Variants in CCNH observed in about 807,000 individuals in gnomAD.
The protein encoded by CCNH is cyclin-H.
CCNH carries 31 observed loss-of-function variants against 41.9 expected under a neutral mutation model. The ratio of observed to expected loss-of-function variants is 0.74; its 90% CI spans 0.56 to 1.00. CCNH has a LOEUF of 1.00. Ranked by LOEUF, CCNH falls within the 50% of genes least tolerant of loss-of-function variation. The pLI is 0.00. For missense variants in CCNH, 362 were observed against 388.4 expected (o/e 0.93, Z 0.57); for synonymous variants, 138 against 136.1 (o/e 1.01, Z -0.10).
At chr5:87,383,677 CT>C in intron 9 of CCNH, 1 of 1,218,188 alleles carries the variant, frequency 8.2e-7, no homozygotes, top group Admixed American at 2.0e-5. Flanking sequence ...TAGGTGTTTT[CT>C]AAAAAAAAAA....
chr5:87,406,459 T>C (rs1054170238), intron 4 of CCNH, among the ~76,000 whole-genome samples: 3 of 152,174 alleles, frequency 2.0e-5, no homozygotes, highest in Non-Finnish European at 2.9e-5. Flanking sequence ...TCATGTTCTA[T>C]TGATTCTACC....
At chr5:87,379,311 G>C (rs1413577976), upstream of CCNH, among the ~76,000 whole-genome samples, 4 of 152,154 alleles carry the variant, frequency 2.6e-5, no homozygotes, top group African/African-American at 7.2e-5. Flanking sequence ...TTAGAGATAG[G>C]CTACGGAATT....
downstream of CCNH, among the ~76,000 whole-genome samples, chr5:87,387,250 A>G (rs1290006285): frequency 1.3e-5 from 2 of 151,972 alleles, no homozygotes; most frequent in Non-Finnish European, 2.9e-5. Flanking sequence ...TGCTGCTACT[A>G]TGTGGGGCGT....
At chr5:87,351,180 T>TA (rs1228940643) in intron 9 of CCNH, among the ~76,000 whole-genome samples, 1,779 of 145,554 alleles carry the variant, frequency 0.012, 25 homozygotes, top group African/African-American at 0.04. Flanking sequence ...TTCAGAGTTT[T>TA]AAAAAAAAAA....
chr5:87,393,074 G>GAAA (rs138557953), downstream of CCNH, among the ~76,000 whole-genome samples: 1 of 133,784 alleles, frequency 7.5e-6, no homozygotes, highest in South Asian at 2.2e-4. Context: ...TCTGGAATGA[G>GAAA]AAAAAAAAAA....
rs1224272553 is a variant in CCNH at position 87,335,563 on chromosome 5, C to A, written c.*91-16666G>T. 3.3e-5 allele frequency among the ~76,000 whole-genome samples: 5 copies of A among 150,928 alleles called. No homozygotes were observed. The East Asian group carries it at 9.9e-4, about 30-fold the overall frequency. On this transcript the variant is annotated intron_variant and NMD_transcript_variant, in intron 9 of 9. Coordinates refer to the CCNH transcript ENST00000645953. ...GCCTCAGCCTCCTGAGTAGCTGGAA[C>A]TATGGGCGTCTGCCACCACACCTGG...
intron 9 of CCNH, among the ~76,000 whole-genome samples, chr5:87,359,220 G>A (rs1335868634): frequency 6.6e-6 from 1 of 152,162 alleles, no homozygotes; most frequent in Non-Finnish European, 1.5e-5. Context: ...TGCAAGTTAA[G>A]TCTGTCTTCA....
intron 9 of CCNH, among the ~76,000 whole-genome samples, chr5:87,356,665 G>C (rs1279367243): frequency 6.6e-6 from 1 of 152,128 alleles, no homozygotes; most frequent in African/African-American, 2.4e-5. Flanking sequence ...GAGCCACTTT[G>C]GTTGCCCCAA....
downstream of CCNH, among the ~76,000 whole-genome samples, chr5:87,375,726 A>ATTTACCAGTTC (rs1268143193): frequency 6.6e-6 from 1 of 152,140 alleles, no homozygotes; most frequent in Non-Finnish European, 1.5e-5. Flanking sequence ...TGACAGTGAG[A>ATTTACCAGTTC]TTTACCAGTT....
chr5:87,362,688 A>G, intron 9 of CCNH: 1 of 1,600,178 alleles, frequency 6.2e-7, no homozygotes, highest in Non-Finnish European at 8.6e-7. Flanking sequence ...TCAGACTTTT[A>G]TCATTAACCC....
chr5:87,389,565 A>AAAGAT (rs764868575), downstream of CCNH: 73 of 1,607,776 alleles, frequency 4.5e-5, 1 homozygote, highest in South Asian at 7.0e-4. Flanking sequence ...ATGATGTTTC[A>AAAGAT]AAGATAACAC....
At chr5:87,362,475 A>G in intron 9 of CCNH, 1 of 1,453,270 alleles carries the variant, frequency 6.9e-7, no homozygotes, top group South Asian at 1.2e-5. Context: ...TTGGCTTTTA[A>G]TTGGTACTTT....
chr5:87,409,432 G>C, intron 2 of CCNH, 69 bp from the exon 3 acceptor site: 1 of 877,060 alleles, frequency 1.1e-6, no homozygotes, highest in Admixed American at 2.3e-5. Flanking sequence ...TTGTGAAACA[G>C]AACTTATTTA....
intron 9 of CCNH, among the ~76,000 whole-genome samples, chr5:87,319,437 C>T (rs977426021): frequency 6.6e-6 from 1 of 152,220 alleles, no homozygotes; most frequent in Non-Finnish European, 1.5e-5. Context: ...CCTCTGAAAT[C>T]AAGGTGGAGG....
chr5:87,388,494 A>G (rs932062328), downstream of CCNH, among the ~76,000 whole-genome samples: 2 of 152,166 alleles, frequency 1.3e-5, no homozygotes, highest in Non-Finnish European at 2.9e-5. Context: ...CCAATTTTGG[A>G]TTTTTGGATT....
chr5:87,376,179 C>G, downstream of CCNH: 1 of 599,254 alleles, frequency 1.7e-6, no homozygotes, highest in Middle Eastern at 4.6e-4. Flanking sequence ...GAACACATCT[C>G]AATCATCTCT....
chr5:87,403,459 AAG>A (rs534950161), intron 5 of CCNH, among the ~76,000 whole-genome samples: 1 of 152,156 alleles, frequency 6.6e-6, no homozygotes, highest in Non-Finnish European at 1.5e-5. Flanking sequence ...AATTGTGGAA[AAG>A]AGGACTTTTG....
exon 1 of CCNH, chr5:87,377,110 C>G: frequency 6.6e-7 from 1 of 1,506,304 alleles, no homozygotes; most frequent in Non-Finnish European, 9.2e-7. Context: ...TATATGGACT[C>G]TATCTCTGAA....
In CCNH at chr5:87,399,407, G is replaced by C. The variant is rs144584603; in HGVS notation, c.859C>G (p.Leu287Val). ...LERCHSAELA[L>V]NVITKKRKGY... ...ACATTAACTTACGTGATTACGTTAA[G>C]TGCAAGCTCAGCAGAATGACATCGC... The change falls in exon 7 of 9, where the codon CTT becomes GTT. Residue 287 changes from leucine (L) to valine (V), a missense_variant. By Grantham distance (32) the Leu-to-Val change is conservative (BLOSUM62 1). Coordinates refer to ENST00000256897, the MANE Select transcript of CCNH (RefSeq NM_001239.4). 53 of 1,611,692 alleles carry C rather than the reference G, an allele frequency of 3.3e-5. No homozygotes were observed. Among genetic ancestry groups the C allele is most frequent in the Non-Finnish European group, 4.3e-5 (51 of 1,177,994 alleles).
Sources: allele counts gnomAD v4.1 joint callset (sites outside exome capture counted in the v4.1 genomes callset), GRCh38; gene constraint gnomAD v4.1.1; transcripts MANE v1.5; gene names NCBI Gene and HGNC (gene_info 2026-07-23, HGNC 2026-07-21).